Variants in KRTAP4-5 observed in about 807,000 individuals in gnomAD.
KRTAP4-5 encodes the protein keratin-associated protein 4-5.
For missense variants in KRTAP4-5, 199 were observed against 233.7 expected (o/e 0.85, Z 0.97); for synonymous variants, 73 against 83.6 (o/e 0.87, Z 0.69).
chr17:41,149,180 T>C lies in KRTAP4-5; in HGVS notation c.*42A>G. 1 of 1,532,042 alleles carries C rather than the reference T, an allele frequency of 6.5e-7. No individual in the cohort carries two copies. The highest frequency in any genetic ancestry group is 8.8e-7 in the Non-Finnish European group (1 of 1,136,014). The allele number at this position is 1,532,042 out of a possible 1,614,324, so 94.9% of individuals were successfully genotyped here. A position where few individuals can be genotyped will look rare whatever the true frequency, so the allele number is the denominator to read the frequency against. On this transcript the variant is annotated 3_prime_UTR_variant, in exon 1 of 1. Coordinates refer to ENST00000343246, the MANE Select transcript of KRTAP4-5 (RefSeq NM_033188.4). Reference sequence around the variant, plus strand: ...CTGGCTACAGTGCATTTTAAATGACTAATGAAGACATTCATAGTATGACAA... The same window carrying C: ...CTGGCTACAGTGCATTTTAAATGACCAATGAAGACATTCATAGTATGACAA...
In KRTAP4-5 at chr17:41,149,254, G is replaced by A. The variant is rs771340910; in HGVS notation, c.514C>T (p.Arg172Cys). The A allele has an allele frequency of 1.4e-5, 22 of 1,602,638 alleles. 1 individual carries two copies. Among genetic ancestry groups the A allele is most frequent in the Middle Eastern group, 1.7e-4 (1 of 6,056 alleles). The change falls in exon 1 of 1, where the codon CGC (arginine) becomes TGC (cysteine). Residue 172 changes from arginine (R) to cysteine (C), a missense_variant. Physicochemically the swap from Arg to Cys is radical, Grantham distance 180. Transcript: ENST00000343246. ...CAAGAGGAGGCACAGCACAAGGGGC[G>A]GGGGCAGGTGGAGATGACACAGGTT... is the stretch of plus-strand genomic sequence containing the variant. Reference protein sequence around the residue: ...RPTCVISTCPRPLCCASSCC With the variant: ...RPTCVISTCPCPLCCASSCC
chr17:41,149,002 G>A lies in KRTAP4-5; in HGVS notation c.*220C>T. On this transcript the variant is annotated 3_prime_UTR_variant, in exon 1 of 1. Transcript: ENST00000343246. The stretch of plus-strand genomic sequence containing the variant: ...ACAGTTAGTGTCCCCTTCGAATGAA[G>A]ACACTGCTCATCTAAAAATAACTGC... 1.2e-6 allele frequency: 1 copy of A among 816,164 alleles called. No individual in the cohort carries two copies. 50.6% of individuals were successfully genotyped at this position (816,164 alleles called of 1,614,324 possible). A position where few individuals can be genotyped will look rare whatever the true frequency, so the allele number is the denominator to read the frequency against.
chr17:41,149,428 C>G lies in KRTAP4-5; in HGVS notation c.340G>C (p.Val114Leu). 2 of 1,612,466 alleles carry G rather than the reference C, an allele frequency of 1.2e-6. No individual in the cohort carries two copies. The highest frequency in any genetic ancestry group is 1.7e-6 in the Non-Finnish European group (2 of 1,179,474). The stretch of plus-strand genomic sequence containing the variant: ...CGGCAGCAAGTGGGCTGGCAGCACA[C>G]AGACTGGCAGCACTGGGGTCTGCAG... Reference protein sequence around the residue: ...SCCRPQCCQSVCCQPTCCRPS... With the variant: ...SCCRPQCCQSLCCQPTCCRPS... The change falls in exon 1 of 1, where the codon GTG becomes CTG. Residue 114 changes from valine (V) to leucine (L), a missense_variant. Transcript: ENST00000343246.
chr17:41,149,048 A>G lies in KRTAP4-5; in HGVS notation c.*174T>C, dbSNP rs2014797457. On this transcript the variant is annotated 3_prime_UTR_variant, in exon 1 of 1. Coordinates refer to ENST00000343246, the MANE Select transcript of KRTAP4-5 (RefSeq NM_033188.4). The stretch of plus-strand genomic sequence containing the variant: ...ACTGCATTGGGGCCTGGCATAACAT[A>G]TTTTAATGAATGTGATTGTCTGTCA... The G allele has an allele frequency of 8.3e-6, 10 of 1,207,840 alleles. No homozygotes were observed. The highest frequency in any genetic ancestry group is 1.5e-5 in the African/African-American group (1 of 64,764). 74.8% of individuals were successfully genotyped at this position (1,207,840 alleles called of 1,614,324 possible). A position where few individuals can be genotyped will look rare whatever the true frequency, so the allele number is the denominator to read the frequency against.
At position 41,148,950 on chromosome 17, in the gene KRTAP4-5, A is replaced by G. The variant is rs925158922; in HGVS notation, c.*272T>C. The G allele has an allele frequency of 1.6e-6, 1 of 628,140 alleles. No individual in the cohort carries two copies. The highest frequency in any genetic ancestry group is 1.8e-5 in the African/African-American group (1 of 54,504). 38.9% of individuals were successfully genotyped at this position (628,140 alleles called of 1,614,324 possible). A position where few individuals can be genotyped will look rare whatever the true frequency, so the allele number is the denominator to read the frequency against. ...TAGGGAAGTGGCTGTTTATTAATAC[A>G]TGAAAACAATATTATATGAGATCAT... On this transcript the variant is annotated 3_prime_UTR_variant, in exon 1 of 1. Coordinates refer to ENST00000343246, the MANE Select transcript of KRTAP4-5 (RefSeq NM_033188.4).
At position 41,149,409 on chromosome 17, in the gene KRTAP4-5, C is replaced by T. The variant is rs772987588; in HGVS notation, c.359G>A (p.Cys120Tyr). ...GGAGATGCAGCAGCTGGGACGGCAG[C>T]AAGTGGGCTGGCAGCACACAGACTG... Reference protein sequence around the residue: ...CCQSVCCQPTCCRPSCCISSC... With the variant: ...CCQSVCCQPTYCRPSCCISSC... The change falls in exon 1 of 1, where the codon TGC becomes TAC. Residue 120 changes from cysteine (C) to tyrosine (Y), a missense_variant. Transcript: ENST00000343246. The T allele has an allele frequency of 6.2e-7, 1 of 1,613,118 alleles. No homozygotes were observed. The highest frequency in any genetic ancestry group is 8.5e-7 in the Non-Finnish European group (1 of 1,179,554).
Position 41,149,770 on chromosome 17 carries a change from T to G in KRTAP4-5, c.-3A>C. ...GAGCCACAACAGGAGCTGACCATGG[T>G]GTCAGAGGGTGGAGGTTCTGGGTGG... On this transcript the variant is annotated 5_prime_UTR_variant, in exon 1 of 1. Coordinates refer to ENST00000343246, the MANE Select transcript of KRTAP4-5 (RefSeq NM_033188.4). The G allele has an allele frequency of 6.2e-7, 1 of 1,601,146 alleles. No individual in the cohort carries two copies. Among genetic ancestry groups the G allele is most frequent in the Non-Finnish European group, 8.5e-7 (1 of 1,172,420 alleles).
rs377031776 is a variant in KRTAP4-5, at chr17:41,149,326, G to T, written c.442C>A (p.Arg148Ser). ...SSCCRPCCCV[R>S]PVCGRVSCHT... ...CAGGAGACTCGGCCACAGACTGGAC[G>T]CACGCAGCAGCAGGGGCGGCAGCAG... is the stretch of plus-strand genomic sequence containing the variant. The change falls in exon 1 of 1, where the codon CGT becomes AGT. Residue 148 changes from arginine to serine, a missense_variant. Coordinates refer to ENST00000343246, the MANE Select transcript of KRTAP4-5 (RefSeq NM_033188.4). 9 of 1,611,706 alleles carry T rather than the reference G, an allele frequency of 5.6e-6. No individual in the cohort carries two copies. Among genetic ancestry groups the T allele is most frequent in the East Asian group, 2.2e-5 (1 of 44,806 alleles).
chr17:41,149,356 A>G lies in KRTAP4-5; in HGVS notation c.412T>C (p.Ser138Pro). 6 of 1,613,476 alleles carry G rather than the reference A, an allele frequency of 3.7e-6. No homozygotes were observed. Among genetic ancestry groups the G allele is most frequent in the Non-Finnish European group, 4.2e-6 (5 of 1,179,828 alleles). Residue 138 changes from serine to proline, a missense_variant, in exon 1 of 1, where the codon TCC (serine) becomes CCC (proline). Physicochemically the swap from Ser to Pro is moderately conservative, Grantham distance 74. Transcript: ENST00000343246. ...SSCCHPSCCESSCCRPCCCVR... is the reference protein window; with the variant it reads ...SSCCHPSCCEPSCCRPCCCVR... ...CAGCAGCAGGGGCGGCAGCAGCTGG[A>G]TTCACAGCAAGAGGGGTGGCAGCAG...
chr17:41,149,401 G>T lies in KRTAP4-5; in HGVS notation c.367C>A (p.Pro123Thr), dbSNP rs1279189798. 2 of 1,613,222 alleles carry T rather than the reference G, an allele frequency of 1.2e-6. No individual in the cohort carries two copies. The highest frequency in any genetic ancestry group is 1.7e-6 in the Non-Finnish European group (2 of 1,179,544). The change falls in exon 1 of 1, where the codon CCC becomes ACC. Residue 123 changes from proline to threonine, a missense_variant. Pro to Thr is a conservative substitution (Grantham distance 38, BLOSUM62 -1). Coordinates refer to ENST00000343246, the MANE Select transcript of KRTAP4-5 (RefSeq NM_033188.4). ...CAGCAGCTGGAGATGCAGCAGCTGG[G>T]ACGGCAGCAAGTGGGCTGGCAGCAC... Reference protein sequence around the residue: ...SVCCQPTCCRPSCCISSCCHP... With the variant: ...SVCCQPTCCRTSCCISSCCHP...
chr17:41,148,951 T>A lies in KRTAP4-5; in HGVS notation c.*271A>T. 1 of 629,198 alleles carries A rather than the reference T, an allele frequency of 1.6e-6. No homozygotes were observed. The highest frequency in any genetic ancestry group is 2.7e-6 in the Non-Finnish European group (1 of 372,634). The allele number at this position is 629,198 out of a possible 1,614,324, so 39.0% of individuals were successfully genotyped here. A position where few individuals can be genotyped will look rare whatever the true frequency, so the allele number is the denominator to read the frequency against. Reference sequence around the variant, plus strand: ...AGGGAAGTGGCTGTTTATTAATACATGAAAACAATATTATATGAGATCATC... The same window carrying A: ...AGGGAAGTGGCTGTTTATTAATACAAGAAAACAATATTATATGAGATCATC... On this transcript the variant is annotated 3_prime_UTR_variant, in exon 1 of 1. Transcript: ENST00000343246.
chr17:41,149,015 TAA>T lies in KRTAP4-5; in HGVS notation c.*205_*206del. On this transcript the variant is annotated 3_prime_UTR_variant, in exon 1 of 1. Transcript: ENST00000343246. ...CCTTCGAATGAAGACACTGCTCATC[TAA>T]AAATAACTGCATTGGGGCCTGGCAT... The T allele has an allele frequency of 1.1e-6, 1 of 927,336 alleles. No homozygotes were observed. The allele number at this position is 927,336 out of a possible 1,614,324, so 57.4% of individuals were successfully genotyped here.
In KRTAP4-5 at chr17:41,149,731, G is replaced by C. The variant is rs1247262957; in HGVS notation, c.37C>G (p.Gln13Glu). The C allele has an allele frequency of 7.4e-6, 12 of 1,612,784 alleles. No homozygotes were observed. The South Asian group carries it at 7.7e-5, about 10-fold the overall frequency. Residue 13 changes from glutamine (Q) to glutamate (E), a missense_variant, in exon 1 of 1, where the codon CAG becomes GAG. Physicochemically the swap from Gln to Glu is conservative, Grantham distance 29 (BLOSUM62 2). Transcript: ENST00000343246. ...SSCCGSVSSE[Q>E]SCGLENCCRP... is the part of the protein sequence containing the mutation. Reference sequence around the variant, plus strand: ...CAGCAGTTCTCCAGGCCACAGCTCTGCTCAGAGCTGACAGAGCCACAACAG... The same window carrying C: ...CAGCAGTTCTCCAGGCCACAGCTCTCCTCAGAGCTGACAGAGCCACAACAG...
chr17:41,149,060 G>A lies in KRTAP4-5; in HGVS notation c.*162C>T, dbSNP rs1246049183. The A allele has an allele frequency of 2.4e-6, 3 of 1,256,292 alleles. No homozygotes were observed. The highest frequency in any genetic ancestry group is 3.0e-5 in the African/African-American group (2 of 65,654). The allele number at this position is 1,256,292 out of a possible 1,614,324, so 77.8% of individuals were successfully genotyped here. A position where few individuals can be genotyped will look rare whatever the true frequency, so the allele number is the denominator to read the frequency against. On this transcript the variant is annotated 3_prime_UTR_variant, in exon 1 of 1. Transcript: ENST00000343246. The stretch of plus-strand genomic sequence containing the variant: ...CCTGGCATAACATATTTTAATGAAT[G>A]TGATTGTCTGTCATTTCCTAGAAGA...
Position 41,149,618 on chromosome 17 carries a change from G to C in KRTAP4-5, c.150C>G (p.Cys50Trp). The C allele has an allele frequency of 1.2e-6, 2 of 1,613,274 alleles. No individual in the cohort carries two copies. Among genetic ancestry groups the C allele is most frequent in the Non-Finnish European group, 1.7e-6 (2 of 1,179,768 alleles). ...TAGGGTGGCAGCAGGTGGGCTGGTA[G>C]CACACAGACTGGCAGCACTGGGGCT... ...CCKPQCCQSVCYQPTCCHPSC... is the reference protein window; with the variant it reads ...CCKPQCCQSVWYQPTCCHPSC... Residue 50 changes from cysteine (C) to tryptophan (W), a missense_variant, in exon 1 of 1, where the codon TGC becomes TGG. By Grantham distance (215) the Cys-to-Trp change is radical. Coordinates refer to ENST00000343246, the MANE Select transcript of KRTAP4-5 (RefSeq NM_033188.4).
chr17:41,149,229 C>T lies in KRTAP4-5; in HGVS notation c.539G>A (p.Cys180Tyr), dbSNP rs750403393. The T allele has an allele frequency of 6.2e-7, 1 of 1,600,874 alleles. No homozygotes were observed. Among genetic ancestry groups the T allele is most frequent in the Admixed American group, 1.7e-5 (1 of 57,662 alleles). Residue 180 changes from cysteine (C) to tyrosine (Y), a missense_variant, in exon 1 of 1, where the codon TGC (cysteine) becomes TAC (tyrosine). By Grantham distance (194) the Cys-to-Tyr change is radical (BLOSUM62 -2). Transcript: ENST00000343246. ...CPRPLCCASS[C>Y]C ...AAATATCACAAGGAGACATTAGCAGCAAGAGGAGGCACAGCACAAGGGGCG... is the reference window on the plus strand; with the variant it reads ...AAATATCACAAGGAGACATTAGCAGTAAGAGGAGGCACAGCACAAGGGGCG...
At position 41,149,480 on chromosome 17, in the gene KRTAP4-5, G is replaced by A. The variant is rs779607603; in HGVS notation, c.288C>T (p.Cys96=). The part of the protein sequence containing the change: ...CRTTCCRTTC[C]CPSCCVSSCC... Reference sequence around the variant, plus strand: ...AGCTGGACACACAGCAGCTGGGGCAGCAGCAGGTGGTCCTGCAGCAGGTGG... The same window carrying A: ...AGCTGGACACACAGCAGCTGGGGCAACAGCAGGTGGTCCTGCAGCAGGTGG... The change falls in exon 1 of 1, where the codon TGC becomes TGT. Residue 96 remains cysteine (C), a synonymous_variant. Transcript: ENST00000343246. 7.9e-6 allele frequency: 12 copies of A among 1,520,040 alleles called. No homozygotes were observed. Among genetic ancestry groups the A allele is most frequent in the Non-Finnish European group, 9.8e-6 (11 of 1,127,344 alleles). 94.2% of individuals were successfully genotyped at this position (1,520,040 alleles called of 1,614,324 possible). A position where few individuals can be genotyped will look rare whatever the true frequency, so the allele number is the denominator to read the frequency against.
In KRTAP4-5 at chr17:41,148,995, G is replaced by T. The variant is rs544204903; in HGVS notation, c.*227C>A. 7 of 773,854 alleles carry T rather than the reference G, an allele frequency of 9.0e-6. No individual in the cohort carries two copies. In the East Asian group the frequency reaches 1.1e-4, roughly 12 times the overall value. The allele number at this position is 773,854 out of a possible 1,614,324, so 47.9% of individuals were successfully genotyped here. On this transcript the variant is annotated 3_prime_UTR_variant, in exon 1 of 1. Transcript: ENST00000343246. Reference sequence around the variant, plus strand: ...GATCATCACAGTTAGTGTCCCCTTCGAATGAAGACACTGCTCATCTAAAAA... The same window carrying T: ...GATCATCACAGTTAGTGTCCCCTTCTAATGAAGACACTGCTCATCTAAAAA...
Position 41,148,961 on chromosome 17 carries a change from A to G in KRTAP4-5, c.*261T>C. 1.5e-6 allele frequency: 1 copy of G among 656,178 alleles called. No individual in the cohort carries two copies. The highest frequency in any genetic ancestry group is 2.6e-6 in the Non-Finnish European group (1 of 387,758). The allele number at this position is 656,178 out of a possible 1,614,324, so 40.6% of individuals were successfully genotyped here. A position where few individuals can be genotyped will look rare whatever the true frequency, so the allele number is the denominator to read the frequency against. ...CTGTTTATTAATACATGAAAACAAT[A>G]TTATATGAGATCATCACAGTTAGTG... On this transcript the variant is annotated 3_prime_UTR_variant, in exon 1 of 1. Transcript: ENST00000343246.
Sources: gnomAD v4.1 joint callset for allele counts on GRCh38, gnomAD v4.1.1 for gene constraint, MANE v1.5 for transcripts, NCBI Gene and HGNC (gene_info 2026-07-23, HGNC 2026-07-21) for gene names.